The following PRRX2 variants were observed in gnomAD, a reference collection of about 807,000 sequenced individuals.
The protein encoded by PRRX2 is paired mesoderm homeobox protein 2.
A neutral mutation model predicts 18.0 loss-of-function variants in PRRX2; 11 were observed. The ratio of observed to expected loss-of-function variants is 0.61; its 90% CI spans 0.39 to 1.01. The LOEUF is 1.01. Ranked by LOEUF, PRRX2 falls within the 50% of genes least tolerant of loss-of-function variation. PRRX2 has a pLI of 0.01. For missense variants in PRRX2, 387 were observed against 351.0 expected (o/e 1.10, Z -0.82); for synonymous variants, 177 against 154.8 (o/e 1.14, Z -1.06).
chr9:129,677,314 G>A (rs369970588), intron 1 of PRRX2, among the ~76,000 whole-genome samples: 2 of 152,358 alleles, frequency 1.3e-5, no homozygotes, highest in South Asian at 2.1e-4. Flanking sequence ...CGAGGAAACC[G>A]AGGCTTAGAA....
chr9:129,673,263 A>G (rs1023344570), intron 1 of PRRX2, among the ~76,000 whole-genome samples: 1 of 152,186 alleles, frequency 6.6e-6, no homozygotes, highest in African/African-American at 2.4e-5. Context: ...AGCTTGAGCA[A>G]TGTAGCAAGA....
At chr9:129,707,636 C>G (rs184485615) in intron 1 of PRRX2, among the ~76,000 whole-genome samples, 62 of 152,098 alleles carry the variant, frequency 4.1e-4, no homozygotes, top group African/African-American at 1.4e-3. Flanking sequence ...ACTAAAAATA[C>G]AAAAATTAAC....
intron 1 of PRRX2, among the ~76,000 whole-genome samples, chr9:129,713,805 A>G (rs1832664775): frequency 6.7e-6 from 1 of 150,324 alleles, no homozygotes; most frequent in African/African-American, 2.4e-5. Context: ...TAATTTATTT[A>G]TTTATTTATT....
At chr9:129,678,799 G>T (rs729523) in intron 1 of PRRX2, among the ~76,000 whole-genome samples, 55,972 of 151,954 alleles carry the variant, frequency 0.37, 10,836 homozygotes, top group African/African-American at 0.49. Context: ...CTCTGGGGGC[G>T]CTCTCAGTGA....
rs999619257 is a variant in PRRX2 at position 129,671,578 on chromosome 9, C to A, written c.259+5452C>A. The stretch of plus-strand genomic sequence containing the variant: ...CCCTTGAGGCCTGAAAAGAACCCTG[C>A]GAGTCAGTGTTGCCATCTGTGGGAT... On this transcript the variant is annotated intron_variant, in intron 1 of 3. Transcript: ENST00000372469. The surrounding 1 kb of genome is among the most constrained non-coding windows in gnomAD (Gnocchi z 4.0). 1.3e-5 allele frequency among the ~76,000 whole-genome samples: 2 copies of A among 152,202 alleles called. No homozygotes were observed. Among genetic ancestry groups the A allele is most frequent in the African/African-American group, 4.8e-5 (2 of 41,452 alleles).
intron 1 of PRRX2, chr9:129,712,921 T>C (rs1832647220): frequency 6.6e-6 from 1 of 152,210 alleles, no homozygotes; most frequent in South Asian, 2.1e-4. Context: ...ATTTATTTTA[T>C]TGATTTCCTA....
At chr9:129,674,216 G>T (rs1043533867) in intron 1 of PRRX2, among the ~76,000 whole-genome samples, 1 of 152,186 alleles carries the variant, frequency 6.6e-6, no homozygotes, top group Non-Finnish European at 1.5e-5. Context: ...CATCACGGAA[G>T]TTGTTTGTGC....
At chr9:129,677,182 G>A (rs369291800) in intron 1 of PRRX2, among the ~76,000 whole-genome samples, 139 of 152,338 alleles carry the variant, frequency 9.1e-4, no homozygotes, top group African/African-American at 3.0e-3. Flanking sequence ...AGCACAGAGC[G>A]CCCCCAGCGA....
chr9:129,700,342 CTTT>C (rs34482094), intron 1 of PRRX2, among the ~76,000 whole-genome samples: 3 of 138,324 alleles, frequency 2.2e-5, no homozygotes, highest in Non-Finnish European at 4.7e-5. Context: ...TTGTTGTTGG[CTTT>C]TTTTTTTTTT....
chr9:129,713,747 C>T lies in PRRX2; in HGVS notation c.260-5484C>T, dbSNP rs140474777. Among the ~76,000 whole-genome samples the T allele has an allele frequency of 3.1e-3, 476 of 151,900 alleles. 1 individual carries two copies. The highest frequency in any genetic ancestry group is 0.011 in the African/African-American group (451 of 41,448). On this transcript the variant is annotated intron_variant, in intron 1 of 3. Transcript: ENST00000372469. ...CCGGGTTCAAGTGATTCTCCTGCCT[C>T]GGCCTCCTGAGTAGCTGGAATTACA... is the stretch of plus-strand genomic sequence containing the variant.
At chr9:129,697,953 G>A in intron 1 of PRRX2, among the ~76,000 whole-genome samples, 1 of 152,040 alleles carries the variant, frequency 6.6e-6, no homozygotes, top group Middle Eastern at 3.2e-3. Context: ...GGAGGGGAGC[G>A]TGGAGGTTGG....
chr9:129,715,750 T>TCTCA lies in PRRX2; in HGVS notation c.260-3480_260-3479insTCAC, dbSNP rs762929485. ...AAACCCAGCTTCAGGGACATCTTTC[T>TCTCA]CACACACACACACACACACACACAC... is the stretch of plus-strand genomic sequence containing the variant. On this transcript the variant is annotated intron_variant, in intron 1 of 3. Coordinates refer to ENST00000372469, the MANE Select transcript of PRRX2 (RefSeq NM_016307.4). The surrounding 1 kb of genome is among the most constrained non-coding windows in gnomAD (Gnocchi z 4.0). Among the ~76,000 whole-genome samples the TCTCA allele has an allele frequency of 9.4e-5, 13 of 138,952 alleles. No homozygotes were observed. The highest frequency in any genetic ancestry group is 2.7e-4 in the African/African-American group (10 of 36,916). The allele number at this position is 138,952 out of a possible 152,430, so 91.2% of individuals were successfully genotyped here.
chr9:129,702,690 G>A (rs903869063), intron 1 of PRRX2, among the ~76,000 whole-genome samples: 1 of 152,230 alleles, frequency 6.6e-6, no homozygotes, highest in African/African-American at 2.4e-5. Context: ...GAAGCTTGTG[G>A]TTCCTGAACT....
In PRRX2 at chr9:129,700,972, G is replaced by T. The variant is rs1022717026; in HGVS notation, c.260-18259G>T. On this transcript the variant is annotated intron_variant, in intron 1 of 3. Transcript: ENST00000372469. ...TTCTGACCAACTTGGTAGCAAAAAG[G>T]TTCCTTCTGGAGAGGAGAGCGCTGT... Among the ~76,000 whole-genome samples, 3 of 152,228 alleles carry T rather than the reference G, an allele frequency of 2.0e-5. No individual in the cohort carries two copies. The East Asian group carries it at 5.8e-4, about 29-fold the overall frequency.
At chr9:129,687,540 C>T (rs1177665754) in intron 1 of PRRX2, among the ~76,000 whole-genome samples, 2 of 152,246 alleles carry the variant, frequency 1.3e-5, no homozygotes, top group East Asian at 3.8e-4. Context: ...TGCGCTGTAC[C>T]AGCCGGCTTC....
At chr9:129,687,064 G>C (rs1397962246) in intron 1 of PRRX2, among the ~76,000 whole-genome samples, 2 of 152,102 alleles carry the variant, frequency 1.3e-5, no homozygotes, top group Admixed American at 1.3e-4. Flanking sequence ...TAGTAAAGGG[G>C]ACAGATCTGC....
At chr9:129,702,318 A>G (rs1832508401) in intron 1 of PRRX2, among the ~76,000 whole-genome samples, 2 of 151,960 alleles carry the variant, frequency 1.3e-5, no homozygotes, top group South Asian at 4.1e-4. Flanking sequence ...GAATGGCGTG[A>G]ACCCGGGAGG....
At chr9:129,711,949 G>A (rs1037272705) in intron 1 of PRRX2, among the ~76,000 whole-genome samples, 1 of 152,166 alleles carries the variant, frequency 6.6e-6, no homozygotes, top group Non-Finnish European at 1.5e-5. Context: ...GTTCCTGTCT[G>A]AGCCCTTCTC....
At chr9:129,667,754 T>G (rs1832043948) in intron 1 of PRRX2, among the ~76,000 whole-genome samples, 1 of 152,014 alleles carries the variant, frequency 6.6e-6, no homozygotes, top group Admixed American at 6.6e-5. Flanking sequence ...AGGTCTCTGG[T>G]GGCGGGTTTC....
Sources: gnomAD v4.1 joint callset for allele counts (sites outside exome capture counted in the v4.1 genomes callset) on GRCh38, gnomAD v4.1.1 for gene constraint, Gnocchi (gnomAD v3.1) non-coding constraint, MANE v1.5 for transcripts, NCBI Gene and HGNC (gene_info 2026-07-23, HGNC 2026-07-21) for gene names.